The following GCSAM variants were observed in gnomAD, a reference collection of about 807,000 sequenced individuals.
The protein encoded by GCSAM is germinal center-associated signaling and motility protein.
GCSAM carries 8 observed loss-of-function variants against 17.6 expected under a neutral mutation model. That is an observed-to-expected ratio of 0.46 (90% CI 0.27 to 0.82). The LOEUF (loss-of-function observed/expected upper bound fraction) is 0.82, where lower values mean the gene tolerates loss of function less well. Ranked by LOEUF, GCSAM falls within the 40% of genes least tolerant of loss-of-function variation. The pLI, the probability that GCSAM is intolerant of heterozygous loss-of-function variation, is 0.15. For synonymous variants in GCSAM, 68 were observed against 69.0 expected (o/e 0.98, Z 0.07); for missense variants, 192 against 213.5 (o/e 0.90, Z 0.63).
At chr3:112,126,361 A>G (rs547465229) in intron 4 of GCSAM, among the ~76,000 whole-genome samples, 1 of 152,170 alleles carries the variant, frequency 6.6e-6, no homozygotes, top group Non-Finnish European at 1.5e-5. Flanking sequence ...CCTCAGGCCT[A>G]CACTTTCTTA....
chr3:112,126,580 C>T (rs2074325081), intron 4 of GCSAM, among the ~76,000 whole-genome samples: 4 of 152,172 alleles, frequency 2.6e-5, no homozygotes, highest in Admixed American at 2.6e-4. Context: ...TACTTGCCCC[C>T]GCCTCCCCAC....
chr3:112,123,214 A>G lies in GCSAM; in HGVS notation c.*241T>C. ...CTCCTACCACTATACTCTCCAAACC[A>G]TGTAGAACCAAAGATGGTTACCTCT... is the stretch of plus-strand genomic sequence containing the variant. On this transcript the variant is annotated 3_prime_UTR_variant, in exon 6 of 6. Transcript: ENST00000308910. The G allele has an allele frequency of 1.2e-5, 8 of 662,642 alleles. No individual in the cohort carries two copies. The highest frequency in any genetic ancestry group is 2.0e-5 in the South Asian group (1 of 50,170). The allele number at this position is 662,642 out of a possible 1,614,324, so 41.0% of individuals were successfully genotyped here.
At chr3:112,127,687 T>G (rs531951491) in intron 3 of GCSAM, among the ~76,000 whole-genome samples, 37 of 152,328 alleles carry the variant, frequency 2.4e-4, no homozygotes, top group African/African-American at 8.7e-4. Flanking sequence ...CGACTATAAG[T>G]TCTATGTGCA....
chr3:112,127,101 A>C, intron 3 of GCSAM, 68 bp from the exon 4 acceptor site: 16 of 996,422 alleles, frequency 1.6e-5, no homozygotes, highest in Non-Finnish European at 2.2e-5. Flanking sequence ...ACACAAGCCT[A>C]CAAAACTTAC....
rs374446990 is a variant in GCSAM at position 112,128,083 on chromosome 3, G to A, written c.99-22C>T. 1.8e-4 allele frequency: 287 copies of A among 1,609,522 alleles called. No individual in the cohort carries two copies. The Middle Eastern group carries it at 2.5e-3, about 14-fold the overall frequency. ...GCATCTAAAATACCCAAGAGAGATGGCAAATCATAAGGTTGATTTCTGCAG... is the reference window on the plus strand; with the variant it reads ...GCATCTAAAATACCCAAGAGAGATGACAAATCATAAGGTTGATTTCTGCAG... On this transcript the variant is annotated intron_variant, in intron 2 of 5. Transcript: ENST00000308910.
At chr3:112,131,038 C>T (rs1436797396) in intron 1 of GCSAM, 1 of 157,560 alleles carries the variant, frequency 6.3e-6, no homozygotes, top group Non-Finnish European at 1.4e-5. Context: ...GTATACCCAT[C>T]TTCCCACTTG....
At chr3:112,132,202 G>A (rs2074471991) in intron 1 of GCSAM, among the ~76,000 whole-genome samples, 1 of 152,174 alleles carries the variant, frequency 6.6e-6, no homozygotes, top group African/African-American at 2.4e-5. Flanking sequence ...GAAGGGACAT[G>A]AGATATTCCA....
chr3:112,127,234 C>T (rs1351937802), intron 3 of GCSAM, among the ~76,000 whole-genome samples: 1 of 152,090 alleles, frequency 6.6e-6, no homozygotes, highest in Non-Finnish European at 1.5e-5. Flanking sequence ...GTGCCTCTTT[C>T]TCTCTCTCCT....
rs2074185663 is a variant in GCSAM, at chr3:112,120,983, TG to T, written c.*2471del. ...CAAATCATAATTGTGTATATCATAT[TG>T]GGTATCTTGAAGCACTCCCAAATGG... On this transcript the variant is annotated 3_prime_UTR_variant, in exon 6 of 6. Coordinates refer to ENST00000308910, the MANE Select transcript of GCSAM (RefSeq NM_152785.5). The T allele has an allele frequency of 6.6e-6, 1 of 152,224 alleles. No homozygotes were observed. The highest frequency in any genetic ancestry group is 6.5e-5 in the Admixed American group (1 of 15,276). The allele number at this position is 152,224 out of a possible 1,614,324, so 9.4% of individuals were successfully genotyped here.
At chr3:112,124,169 C>T (rs1472208828) in intron 5 of GCSAM, among the ~76,000 whole-genome samples, 3 of 152,102 alleles carry the variant, frequency 2.0e-5, no homozygotes, top group Non-Finnish European at 4.4e-5. Context: ...ATGAGTGTAC[C>T]GCCTGAAGAA....
At chr3:112,126,765 C>T (rs1035690595) in intron 4 of GCSAM, among the ~76,000 whole-genome samples, 4 of 152,206 alleles carry the variant, frequency 2.6e-5, no homozygotes, top group Admixed American at 2.0e-4. Context: ...GCCTCCAGGC[C>T]TCAGGCACTA....
chr3:112,127,973 A>C, intron 3 of GCSAM, 44 bp downstream of exon 3: 2 of 1,571,082 alleles, frequency 1.3e-6, no homozygotes, highest in Non-Finnish European at 1.8e-6. Context: ...CCACATTGAA[A>C]CCACACTTAG....
At chr3:112,130,416 G>T (rs372190440) in intron 2 of GCSAM, 29 bp downstream of exon 2, 3 of 1,585,364 alleles carry the variant, frequency 1.9e-6, no homozygotes, top group African/African-American at 1.3e-5. Flanking sequence ...GGCAAGGTCT[G>T]GGGGGTGTTT....
At chr3:112,130,288 G>A in intron 2 of GCSAM, 157 bp downstream of exon 2, 1 of 681,776 alleles carries the variant, frequency 1.5e-6, no homozygotes. Flanking sequence ...AAGTTTTCAA[G>A]CATTTTATCT....
rs747627067 is a variant in GCSAM, at chr3:112,125,242, GA to G, written c.202del (p.Ser68HisfsTer121). 22 of 1,580,864 alleles carry G rather than the reference GA, an allele frequency of 1.4e-5. No homozygotes were observed. The South Asian group carries it at 2.4e-4, about 17-fold the overall frequency. The part of the protein sequence containing the change: ...QDSQNENERM[S>X]STPIQDNVDQ... ...TCTTATTACCTGGATGGGAGTAGAT[GA>G]CATTCTTTCATCTGGAGAAAGAAAA... On this transcript the variant is annotated frameshift_variant, in exon 5 of 6. Transcript: ENST00000308910. LOFTEE classifies it low-confidence loss of function (END_TRUNC).
chr3:112,126,053 C>T (rs1367611588), intron 4 of GCSAM, among the ~76,000 whole-genome samples: 3 of 152,150 alleles, frequency 2.0e-5, no homozygotes, highest in South Asian at 2.1e-4. Context: ...TCCACATCTC[C>T]ATAAGCTCCT....
At chr3:112,128,308 C>T in intron 2 of GCSAM, 1 of 653,516 alleles carries the variant, frequency 1.5e-6, no homozygotes. Flanking sequence ...AAAAATGTTT[C>T]CTCACTCTCA....
Position 112,123,732 on chromosome 3 carries a change from GT to G in GCSAM, c.259del (p.Thr87ProfsTer102). 1 of 1,613,970 alleles carries G rather than the reference GT, an allele frequency of 6.2e-7. No individual in the cohort carries two copies. Among genetic ancestry groups the G allele is most frequent in the Non-Finnish European group, 8.5e-7 (1 of 1,179,886 alleles). ...ACAGAGAACCCGATGATTGATGAGG[GT>G]ATAGCACAGCTCCTCTGAGTAGGTC... Reference protein sequence around the residue: ...DQTYSEELCYTLINHRVLCTR... With the variant: ...DQTYSEELCYXLINHRVLCTR... On this transcript the variant is annotated frameshift_variant, in exon 6 of 6. Coordinates refer to ENST00000308910, the MANE Select transcript of GCSAM (RefSeq NM_152785.5). LOFTEE classifies it low-confidence loss of function (END_TRUNC).
At chr3:112,124,215 A>G (rs929054003) in intron 5 of GCSAM, among the ~76,000 whole-genome samples, 4 of 152,146 alleles carry the variant, frequency 2.6e-5, no homozygotes, top group African/African-American at 9.7e-5. Flanking sequence ...TTTATAAATT[A>G]CCCAGCTTTG....
Sources: gnomAD v4.1 joint callset for allele counts (sites outside exome capture counted in the v4.1 genomes callset) on GRCh38, gnomAD v4.1.1 for gene constraint, MANE v1.5 for transcripts, NCBI Gene and HGNC (gene_info 2026-07-23, HGNC 2026-07-21) for gene names.